Variants in IL23R observed in about 807,000 individuals in gnomAD.
IL23R encodes interleukin-23 receptor.
In IL23R, 34 loss-of-function variants were observed where a neutral mutation model predicts 56.9. The observed-to-expected ratio is 0.60, with a 90% CI of 0.45 to 0.80. IL23R has a LOEUF of 0.80. Ranked by LOEUF, IL23R falls within the 30% of genes least tolerant of loss-of-function variation. IL23R has a pLI of 0.00. For synonymous variants in IL23R, 230 were observed against 249.2 expected (o/e 0.92, Z 0.73); for missense variants, 635 against 730.0 (o/e 0.87, Z 1.50).
chr1:67,205,915 C>CTTTCTTTCTTT (rs747832398), intron 5 of IL23R, among the ~76,000 whole-genome samples: 7 of 123,134 alleles, frequency 5.7e-5, no homozygotes, highest in Non-Finnish European at 1.2e-4. Flanking sequence ...TTCTTTCTTT[C>CTTTCTTTCTTT]TTTCTTTCTT....
At position 67,255,639 on chromosome 1, in the gene IL23R, A is replaced by T. The variant is rs574490682; in HGVS notation, c.1149-198A>T. The stretch of plus-strand genomic sequence containing the variant: ...TATTCTGTAGAGACAGGGTCTTGCT[A>T]TGTTGCCCAGGCTGGTCTCGAACTC... On this transcript the variant is annotated intron_variant, in intron 9 of 10. Transcript: ENST00000347310. Among the ~76,000 whole-genome samples the T allele has an allele frequency of 3.3e-5, 5 of 151,840 alleles. No individual in the cohort carries two copies. In the South Asian group the frequency reaches 1.0e-3, roughly 32 times the overall value.
At chr1:67,241,023 G>A (rs139940841) in intron 9 of IL23R, among the ~76,000 whole-genome samples, 2 of 152,330 alleles carry the variant, frequency 1.3e-5, no homozygotes, top group South Asian at 2.1e-4. Flanking sequence ...TACTAAGTTA[G>A]GTTTTCAATC....
At chr1:67,212,988 C>T (rs1272127196) in intron 6 of IL23R, among the ~76,000 whole-genome samples, 1 of 152,096 alleles carries the variant, frequency 6.6e-6, no homozygotes, top group African/African-American at 2.4e-5. Context: ...ATTCTCCTGA[C>T]TCAGCCTCCC....
chr1:67,252,717 A>G (rs779336257), intron 9 of IL23R, among the ~76,000 whole-genome samples: 1 of 152,066 alleles, frequency 6.6e-6, no homozygotes, highest in Admixed American at 6.6e-5. Flanking sequence ...TTAATTGAGC[A>G]ATGAACAATT....
chr1:67,244,734 G>C (rs942849974), intron 9 of IL23R, among the ~76,000 whole-genome samples: 7 of 152,184 alleles, frequency 4.6e-5, no homozygotes, highest in African/African-American at 1.7e-4. Context: ...ATAGTTTGAA[G>C]TCAGATAGCG....
intron 5 of IL23R, among the ~76,000 whole-genome samples, chr1:67,206,204 G>C (rs902767307): frequency 6.6e-6 from 1 of 151,906 alleles, no homozygotes; most frequent in Non-Finnish European, 1.5e-5. Context: ...AGTAGAGACA[G>C]GGTTTTGCCA....
chr1:67,226,931 C>T (rs1403742382), intron 7 of IL23R, among the ~76,000 whole-genome samples: 2 of 152,208 alleles, frequency 1.3e-5, no homozygotes, highest in Non-Finnish European at 2.9e-5. Context: ...CCCCAAAGCA[C>T]AGGATATAGG....
intron 7 of IL23R, among the ~76,000 whole-genome samples, chr1:67,224,009 G>T (rs940060609): frequency 2.0e-5 from 3 of 151,930 alleles, no homozygotes; most frequent in Non-Finnish European, 4.4e-5. Flanking sequence ...TTTTAAAAAG[G>T]GACCTATGAA....
chr1:67,216,662 A>G (rs1343104524), intron 6 of IL23R, among the ~76,000 whole-genome samples: 1 of 152,224 alleles, frequency 6.6e-6, no homozygotes, highest in African/African-American at 2.4e-5. Flanking sequence ...ATTTCCATAC[A>G]TCATGAAATA....
At chr1:67,254,993 C>G (rs924182708) in intron 9 of IL23R, among the ~76,000 whole-genome samples, 3 of 152,328 alleles carry the variant, frequency 2.0e-5, no homozygotes, top group Admixed American at 2.0e-4. Context: ...ACATGTTCCC[C>G]AGCCTCCTTC....
chr1:67,168,589 G>T (rs959474622), intron 2 of IL23R, among the ~76,000 whole-genome samples: 1 of 152,134 alleles, frequency 6.6e-6, no homozygotes, highest in Non-Finnish European at 1.5e-5. Context: ...TGGGCCATTG[G>T]CAAGAGTATG....
chr1:67,244,858 G>GAA (rs1652107033), intron 9 of IL23R, among the ~76,000 whole-genome samples: 2 of 151,800 alleles, frequency 1.3e-5, no homozygotes, highest in Admixed American at 1.3e-4. Flanking sequence ...GAAAGTCAAT[G>GAA]GTAGCTTGAT....
At chr1:67,180,856 T>A (rs1647129546) in intron 3 of IL23R, among the ~76,000 whole-genome samples, 2 of 152,150 alleles carry the variant, frequency 1.3e-5, no homozygotes. Flanking sequence ...CTGTAAAGTA[T>A]TTTATTTCTC....
chr1:67,253,463 C>G (rs917085098), intron 9 of IL23R, among the ~76,000 whole-genome samples: 7 of 152,318 alleles, frequency 4.6e-5, no homozygotes, highest in African/African-American at 1.7e-4. Context: ...CACTGAGTTT[C>G]TCCTTCTTGC....
At chr1:67,231,121 A>G (rs2100289194) in intron 7 of IL23R, among the ~76,000 whole-genome samples, 1 of 152,308 alleles carries the variant, frequency 6.6e-6, no homozygotes, top group East Asian at 1.9e-4. Flanking sequence ...AGAAAAGTCC[A>G]TGTGTCTGCT....
intron 6 of IL23R, among the ~76,000 whole-genome samples, chr1:67,216,893 C>G (rs1649878217): frequency 6.6e-6 from 1 of 152,064 alleles, no homozygotes; most frequent in Non-Finnish European, 1.5e-5. Flanking sequence ...ATAAGTTTCC[C>G]CATCACCACC....
Position 67,228,363 on chromosome 1 carries a change from C to CTTT in IL23R, c.956-8337_956-8335dup, listed in dbSNP as rs78083258. ...CATACCCAGCTAATTTTTTTTCTTC[C>CTTT]TTTTTTTTTTTTTTTGTAGAGACAG... On this transcript the variant is annotated intron_variant, in intron 7 of 10. Transcript: ENST00000347310. 1.8e-4 allele frequency among the ~76,000 whole-genome samples: 19 copies of CTTT among 105,790 alleles called. 1 individual carries two copies. Among genetic ancestry groups the CTTT allele is most frequent in the African/African-American group, 4.4e-4 (13 of 29,336 alleles). The allele number at this position is 105,790 out of a possible 152,430, so 69.4% of individuals were successfully genotyped here. A position where few individuals can be genotyped will look rare whatever the true frequency, so the allele number is the denominator to read the frequency against.
rs559566496 is a variant in IL23R at position 67,214,461 on chromosome 1, G to A, written c.799-5113G>A. Among the ~76,000 whole-genome samples, 8 of 152,320 alleles carry A rather than the reference G, an allele frequency of 5.3e-5. 1 individual carries two copies. The highest frequency in any genetic ancestry group is 1.9e-4 in the African/African-American group (8 of 41,572). ...CAAAGGATTGTTATGAAGACCATAT[G>A]AGATAACAAATATTCTTTCAGTTCC... is the stretch of plus-strand genomic sequence containing the variant. On this transcript the variant is annotated intron_variant, in intron 6 of 10. Transcript: ENST00000347310.
At chr1:67,212,353 G>A (rs1228369166) in intron 6 of IL23R, among the ~76,000 whole-genome samples, 2 of 152,178 alleles carry the variant, frequency 1.3e-5, no homozygotes, top group South Asian at 4.1e-4. Context: ...AGGAAAGTCA[G>A]AGTCAAGAGG....
Sources: allele counts gnomAD v4.1 joint callset (sites outside exome capture counted in the v4.1 genomes callset), GRCh38; gene constraint gnomAD v4.1.1; transcripts MANE v1.5; gene names NCBI Gene and HGNC (gene_info 2026-07-23, HGNC 2026-07-21).